Variants in TTLL5 observed in about 807,000 individuals in gnomAD.
TTLL5 encodes tubulin polyglutamylase TTLL5.
A neutral mutation model predicts 168.4 loss-of-function variants in TTLL5; 132 were observed. The ratio of observed to expected loss-of-function variants is 0.78; its 90% CI spans 0.68 to 0.91. The LOEUF is 0.91. Ranked by LOEUF, TTLL5 falls within the 40% of genes least tolerant of loss-of-function variation. The pLI is 0.00. For missense variants in TTLL5, 1,545 were observed against 1,581.5 expected (o/e 0.98, Z 0.39); for synonymous variants, 546 against 558.6 (o/e 0.98, Z 0.32).
intron 31 of TTLL5, among the ~76,000 whole-genome samples, chr14:75,927,030 CT>C (rs1266469225): frequency 5.3e-5 from 8 of 152,190 alleles, no homozygotes; most frequent in African/African-American, 1.9e-4. Flanking sequence ...CATTGGGTTT[CT>C]TTTTGGAGTA....
intron 31 of TTLL5, among the ~76,000 whole-genome samples, chr14:75,933,271 A>G (rs543192332): frequency 6.6e-6 from 1 of 152,270 alleles, no homozygotes; most frequent in East Asian, 1.9e-4. Context: ...AGCCTGGACA[A>G]GAGTGAGACC....
intron 27 of TTLL5, among the ~76,000 whole-genome samples, chr14:75,804,151 T>C (rs1893511683): frequency 1.3e-5 from 2 of 152,128 alleles, no homozygotes; most frequent in South Asian, 4.1e-4. Flanking sequence ...TACTTTTTGC[T>C]CTTCACATTT....
chr14:75,706,567 G>T (rs1282054137), intron 7 of TTLL5, among the ~76,000 whole-genome samples: 1 of 152,054 alleles, frequency 6.6e-6, no homozygotes, highest in Admixed American at 6.6e-5. Flanking sequence ...GATCCATTGT[G>T]GATCTGTAAG....
At chr14:75,816,444 T>C (rs1025168070) in intron 27 of TTLL5, among the ~76,000 whole-genome samples, 2 of 152,166 alleles carry the variant, frequency 1.3e-5, no homozygotes, top group East Asian at 3.8e-4. Flanking sequence ...TGCAAGATCA[T>C]TGCACATAGT....
intron 28 of TTLL5, among the ~76,000 whole-genome samples, chr14:75,846,253 T>G (rs1304827989): frequency 6.6e-6 from 1 of 152,198 alleles, no homozygotes; most frequent in African/African-American, 2.4e-5. Flanking sequence ...GTCAGGCAAG[T>G]AAGAATGGTT....
chr14:75,915,724 A>G (rs1032715825), intron 31 of TTLL5, among the ~76,000 whole-genome samples: 48 of 152,240 alleles, frequency 3.2e-4, no homozygotes, highest in African/African-American at 1.1e-3. Flanking sequence ...ATATGCAAAT[A>G]ACTAATAGGC....
rs146735799 is a variant in TTLL5, at chr14:75,888,969, C to T, written c.3740+6067C>T. Reference sequence around the variant, plus strand: ...AAAAGAAGGCTTCATGGAGAAGATTCAGAGGCTTCTAACCTCTGGAATGAG... The same window carrying T: ...AAAAGAAGGCTTCATGGAGAAGATTTAGAGGCTTCTAACCTCTGGAATGAG... On this transcript the variant is annotated intron_variant, in intron 30 of 31. Coordinates refer to ENST00000298832, the MANE Select transcript of TTLL5 (RefSeq NM_015072.5). Among the ~76,000 whole-genome samples, 201 of 149,620 alleles carry T rather than the reference C, an allele frequency of 1.3e-3. 2 individuals are homozygous for T. The highest frequency in any genetic ancestry group is 5.6e-4 in the Non-Finnish European group (38 of 67,682).
At chr14:75,788,753 A>G (rs1420932511) in intron 26 of TTLL5, among the ~76,000 whole-genome samples, 2 of 152,162 alleles carry the variant, frequency 1.3e-5, no homozygotes, top group Non-Finnish European at 2.9e-5. Flanking sequence ...CTTATTCTGT[A>G]TGGCTAGTTT....
At chr14:75,691,155 A>C (rs986039757) in intron 6 of TTLL5, among the ~76,000 whole-genome samples, 2 of 152,234 alleles carry the variant, frequency 1.3e-5, no homozygotes, top group South Asian at 4.1e-4. Context: ...CGTAGGAGCC[A>C]AATAGGCACC....
chr14:75,858,553 C>G (rs545324320), intron 28 of TTLL5, among the ~76,000 whole-genome samples: 1 of 152,286 alleles, frequency 6.6e-6, no homozygotes, highest in East Asian at 1.9e-4. Flanking sequence ...GATAGACAAA[C>G]TAGGGTTATT....
chr14:75,681,707 A>G, intron 4 of TTLL5, 80 bp downstream of exon 4: 2 of 1,218,260 alleles, frequency 1.6e-6, no homozygotes, highest in East Asian at 2.3e-5. Flanking sequence ...ACCAGTTAAC[A>G]GGGCCAGCTC....
At chr14:75,726,455 T>C (rs1888189395) in intron 12 of TTLL5, among the ~76,000 whole-genome samples, 1 of 152,174 alleles carries the variant, frequency 6.6e-6, no homozygotes, top group Admixed American at 6.5e-5. Flanking sequence ...ATGTGCTAGT[T>C]ATGGTGCAGG....
At chr14:75,832,992 G>A (rs946474967) in intron 28 of TTLL5, among the ~76,000 whole-genome samples, 8 of 152,066 alleles carry the variant, frequency 5.3e-5, no homozygotes, top group Non-Finnish European at 7.4e-5. Context: ...CAGTTTCAGC[G>A]GGAATTGCTG....
At chr14:75,717,588 A>G (rs1004787143) in intron 9 of TTLL5, among the ~76,000 whole-genome samples, 1 of 152,184 alleles carries the variant, frequency 6.6e-6, no homozygotes, top group Non-Finnish European at 1.5e-5. Context: ...AGTTGGTGTG[A>G]TCTTGAACAA....
intron 31 of TTLL5, chr14:75,930,502 A>C: frequency 1.3e-6 from 1 of 796,782 alleles, no homozygotes; most frequent in Non-Finnish European, 1.5e-6. Flanking sequence ...AATCTGAAAA[A>C]AATCAAAATC....
chr14:75,723,019 G>A (rs931228022), intron 12 of TTLL5, among the ~76,000 whole-genome samples: 3 of 152,096 alleles, frequency 2.0e-5, no homozygotes, highest in African/African-American at 7.2e-5. Flanking sequence ...GTATCTGTAT[G>A]TTGTCTGGTA....
chr14:75,688,299 T>C (rs1453288089), intron 5 of TTLL5, among the ~76,000 whole-genome samples: 1 of 152,140 alleles, frequency 6.6e-6, no homozygotes, highest in Non-Finnish European at 1.5e-5. Flanking sequence ...GTAATGAAGC[T>C]TCCATAAAAA....
chr14:75,729,678 C>T (rs1469987303), intron 12 of TTLL5, among the ~76,000 whole-genome samples: 3 of 152,170 alleles, frequency 2.0e-5, no homozygotes, highest in African/African-American at 7.2e-5. Flanking sequence ...ATAGTAGGTC[C>T]AAGCCTGGTA....
intron 27 of TTLL5, among the ~76,000 whole-genome samples, chr14:75,817,398 G>C (rs926956419): frequency 5.3e-5 from 8 of 152,126 alleles, no homozygotes; most frequent in Non-Finnish European, 1.0e-4. Context: ...GTCCACACTA[G>C]AGGGTGCAGC....
Sources: gnomAD v4.1 joint callset for allele counts (sites outside exome capture counted in the v4.1 genomes callset) on GRCh38, gnomAD v4.1.1 for gene constraint, MANE v1.5 for transcripts, NCBI Gene and HGNC (gene_info 2026-07-23, HGNC 2026-07-21) for gene names.